DPYSL3: variants seen among roughly 807,000 people sequenced by gnomAD.
DPYSL3 encodes the protein dihydropyrimidinase like 3, also known as dihydropyrimidinase-related protein 3.
Under a neutral mutation model 66.1 loss-of-function variants are expected in DPYSL3, and 16 were observed. The observed-to-expected ratio is 0.24, with a 90% confidence interval of 0.16 to 0.37. DPYSL3 has a LOEUF of 0.37. Among genes scored for constraint, DPYSL3 ranks in the 10% least tolerant of loss-of-function variants. DPYSL3 has a pLI of 1.00. For synonymous variants in DPYSL3, 338 were observed against 345.1 expected, an observed-to-expected ratio of 0.98 and a Z score of 0.23; for missense variants, 738 against 916.2, an observed-to-expected ratio of 0.81 and a Z score of 2.51.
chr5:147,495,504 G>A (rs1005219115), intron 1 of DPYSL3, among the ~76,000 whole-genome samples: 17 of 152,194 alleles, frequency 1.1e-4, no homozygotes, highest in African/African-American at 3.4e-4. Flanking sequence ...AAACCCCATC[G>A]TCTCAGCCCA....
Position 147,442,095 on chromosome 5 carries a change from G to A in DPYSL3, c.382-17132C>T, listed in dbSNP as rs554106250. On this transcript the variant is annotated intron_variant, in intron 1 of 13. Transcript: ENST00000343218. ...TCATCAAGATTTGAGGCACAGATTCGCTTTGCGGGAAAAAGTGCATGATTT... is the reference window on the plus strand; with the variant it reads ...TCATCAAGATTTGAGGCACAGATTCACTTTGCGGGAAAAAGTGCATGATTT... Among the ~76,000 whole-genome samples, 15 of 152,310 alleles carry A rather than the reference G, an allele frequency of 9.8e-5. No individual in the cohort carries two copies. The East Asian group carries it at 1.2e-3, about 12-fold the overall frequency.
intron 1 of DPYSL3, chr5:147,453,643 C>T (rs907612116): frequency 2.7e-6 from 4 of 1,507,952 alleles, no homozygotes; most frequent in South Asian, 1.3e-5. Context: ...TGCTCCGGCT[C>T]GCCCGCGCCT....
intron 1 of DPYSL3, chr5:147,453,701 G>A (rs1358246391): frequency 7.4e-7 from 1 of 1,344,656 alleles, no homozygotes; most frequent in African/African-American, 1.5e-5. Context: ...ATGGTGCGCT[G>A]GCCGCGCCGC....
chr5:147,470,685 C>T (rs1370317215), intron 1 of DPYSL3, among the ~76,000 whole-genome samples: 1 of 152,150 alleles, frequency 6.6e-6, no homozygotes, highest in Non-Finnish European at 1.5e-5. Context: ...GTTCCAGTAA[C>T]CCTAGGAACT....
At chr5:147,447,613 G>A (rs1752650942) in intron 1 of DPYSL3, among the ~76,000 whole-genome samples, 1 of 152,210 alleles carries the variant, frequency 6.6e-6, no homozygotes, top group Non-Finnish European at 1.5e-5. Context: ...GCTCACGCCT[G>A]TAATCCCAGC....
chr5:147,436,008 A>G (rs991680587), intron 1 of DPYSL3, among the ~76,000 whole-genome samples: 1 of 152,182 alleles, frequency 6.6e-6, no homozygotes, highest in Non-Finnish European at 1.5e-5. Context: ...CCTTCAGCAG[A>G]GACATGCAGC....
chr5:147,504,459 T>C (rs1007467967), intron 1 of DPYSL3, among the ~76,000 whole-genome samples: 10 of 152,230 alleles, frequency 6.6e-5, no homozygotes, highest in Admixed American at 3.3e-4. Flanking sequence ...CATTTTTTCC[T>C]AGCTTTGGTA....
At chr5:147,403,976 G>A (rs948434983) in intron 8 of DPYSL3, among the ~76,000 whole-genome samples, 3 of 152,140 alleles carry the variant, frequency 2.0e-5, no homozygotes, top group East Asian at 3.9e-4. Flanking sequence ...TGTCCCGAGC[G>A]GCCCTAGGTC....
At chr5:147,451,735 T>A (rs190657987) in intron 1 of DPYSL3, among the ~76,000 whole-genome samples, 5 of 152,194 alleles carry the variant, frequency 3.3e-5, no homozygotes, top group African/African-American at 1.2e-4. Context: ...ACCTCCAGCA[T>A]AGAATAGCAT....
intron 1 of DPYSL3, among the ~76,000 whole-genome samples, chr5:147,504,858 T>G (rs1753662512): frequency 6.6e-6 from 1 of 152,212 alleles, no homozygotes; most frequent in South Asian, 2.1e-4. Context: ...ATGTCATTAC[T>G]TTGTTTTTGC....
intron 1 of DPYSL3, among the ~76,000 whole-genome samples, chr5:147,490,373 G>C (rs888426718): frequency 2.0e-5 from 3 of 151,722 alleles, no homozygotes; most frequent in Admixed American, 6.6e-5. Context: ...AAGAAGAGAA[G>C]GTACATATAA....
intron 1 of DPYSL3, among the ~76,000 whole-genome samples, chr5:147,494,074 T>A (rs904419790): frequency 2.6e-5 from 4 of 151,992 alleles, no homozygotes; most frequent in Non-Finnish European, 2.9e-5. Flanking sequence ...GCGCCTGTAA[T>A]CCCAGCTACT....
At chr5:147,498,046 AG>A (rs1281338189) in intron 1 of DPYSL3, among the ~76,000 whole-genome samples, 1 of 151,800 alleles carries the variant, frequency 6.6e-6, no homozygotes, top group Non-Finnish European at 1.5e-5. Context: ...CACTAAGCCT[AG>A]TACTCATTAG....
chr5:147,434,544 G>A (rs1052106711), intron 1 of DPYSL3, among the ~76,000 whole-genome samples: 4 of 152,156 alleles, frequency 2.6e-5, no homozygotes, highest in Non-Finnish European at 5.9e-5. Flanking sequence ...AAGGGTAAAC[G>A]AGTTTAATAA....
At chr5:147,455,709 T>G (rs1257489738) in intron 1 of DPYSL3, among the ~76,000 whole-genome samples, 1 of 152,156 alleles carries the variant, frequency 6.6e-6, no homozygotes, top group Non-Finnish European at 1.5e-5. Flanking sequence ...GAAAGGATCT[T>G]GCACATTTTT....
rs370308670 is a variant in DPYSL3 at position 147,405,707 on chromosome 5, A to G, written c.1056T>C (p.Arg352=). The G allele has an allele frequency of 3.3e-4, 527 of 1,613,748 alleles. No individual in the cohort carries two copies. Among genetic ancestry groups the G allele is most frequent in the Non-Finnish European group, 3.8e-4 (446 of 1,179,840 alleles). ...PEELEAEAVF[R]AITIASQTNC... is the part of the protein sequence containing the mutation. ...TGGTTTGGCTGGCAATGGTGATGGC[A>G]CGGAACACAGCCTCAGCTTCCAGCT... Residue 352 remains arginine (R), a synonymous_variant, in exon 8 of 14, where the codon CGT becomes CGC. Transcript: ENST00000343218.
Position 147,393,114 on chromosome 5 carries a change from A to G in DPYSL3, c.*921T>C, listed in dbSNP as rs1757862032. 1 of 152,338 alleles carries G rather than the reference A, an allele frequency of 6.6e-6. No homozygotes were observed. Among genetic ancestry groups the G allele is most frequent in the East Asian group, 1.9e-4 (1 of 5,176 alleles). The allele number at this position is 152,338 out of a possible 1,614,324, so 9.4% of individuals were successfully genotyped here. On this transcript the variant is annotated 3_prime_UTR_variant, in exon 14 of 14. Transcript: ENST00000343218. ...ACTCTTCTCGGTTTGCAAAGACAGA[A>G]GAGTGAGAGGTGACCTCGCCGTGTT... is the stretch of plus-strand genomic sequence containing the variant.
chr5:147,498,997 G>C (rs934257423), intron 1 of DPYSL3, among the ~76,000 whole-genome samples: 10 of 151,986 alleles, frequency 6.6e-5, no homozygotes, highest in Admixed American at 6.6e-4. Flanking sequence ...ATTTTTGCCC[G>C]TGCCTATGAC....
intron 1 of DPYSL3, among the ~76,000 whole-genome samples, chr5:147,434,028 C>CAA (rs146353824): frequency 0.051 from 6,955 of 137,568 alleles, 573 homozygotes; most frequent in African/African-American, 0.17. Flanking sequence ...AACTCCGTCT[C>CAA]AAAAAAAAAA....
Sources: gnomAD v4.1 joint callset for allele counts (sites outside exome capture counted in the v4.1 genomes callset) on GRCh38, gnomAD v4.1.1 for gene constraint, MANE v1.5 for transcripts, NCBI Gene and HGNC (gene_info 2026-07-23, HGNC 2026-07-21) for gene names.